The following PTPRG variants were observed in gnomAD, a reference collection of about 807,000 sequenced individuals.
PTPRG encodes the protein protein tyrosine phosphatase receptor type G.
PTPRG carries 102 observed loss-of-function variants against 165.3 expected under a neutral mutation model. That is an observed-to-expected ratio of 0.62 (90% CI 0.53 to 0.73). The LOEUF is 0.73. PTPRG is among the 30% of genes least tolerant of loss of function. The pLI is 0.00. For missense variants in PTPRG, 1,866 were observed against 1,861.4 expected, an observed-to-expected ratio of 1.00 and a Z score of -0.05; for synonymous variants, 675 against 669.5, an observed-to-expected ratio of 1.01 and a Z score of -0.13.
At chr3:61,675,984 A>G (rs1405451275) in intron 1 of PTPRG, among the ~76,000 whole-genome samples, 2 of 152,142 alleles carry the variant, frequency 1.3e-5, no homozygotes, top group Non-Finnish European at 2.9e-5. Context: ...AGTTTTTTCG[A>G]CCATTCTTGG....
At position 62,005,552 on chromosome 3, in the gene PTPRG, G is replaced by A. The variant is rs1194965392; in HGVS notation, c.519+2055G>A. ...GAAAGTTTAAAAACTTAATCAGATG[G>A]CTACCTTGGAAAAGAAGACCTCTAG... On this transcript the variant is annotated intron_variant, in intron 4 of 29. Transcript: ENST00000474889. Among the ~76,000 whole-genome samples the A allele has an allele frequency of 4.6e-5, 7 of 152,034 alleles. No homozygotes were observed. The South Asian group carries it at 1.2e-3, about 27-fold the overall frequency.
intron 4 of PTPRG, among the ~76,000 whole-genome samples, chr3:62,043,320 G>T (rs768484333): frequency 2.0e-5 from 3 of 151,978 alleles, no homozygotes; most frequent in Non-Finnish European, 4.4e-5. Context: ...TCTCTTTCCA[G>T]CTGCACACAT....
At chr3:62,077,674 G>C (rs929149221) in intron 4 of PTPRG, among the ~76,000 whole-genome samples, 2 of 152,060 alleles carry the variant, frequency 1.3e-5, no homozygotes, top group African/African-American at 4.8e-5. Context: ...CATATCTAGG[G>C]GTAAAATGAC....
At chr3:61,614,057 C>G (rs1701245360) in intron 1 of PTPRG, among the ~76,000 whole-genome samples, 1 of 152,154 alleles carries the variant, frequency 6.6e-6, no homozygotes, top group African/African-American at 2.4e-5. Flanking sequence ...GATCTTCCTC[C>G]TTTTAGAAAC....
rs777372586 is a variant in PTPRG at position 62,243,857 on chromosome 3, G to T, written c.2426G>T (p.Arg809Leu). 2 of 1,595,482 alleles carry T rather than the reference G, an allele frequency of 1.3e-6. No individual in the cohort carries two copies. The highest frequency in any genetic ancestry group is 1.7e-6 in the Non-Finnish European group (2 of 1,163,804). The change falls in exon 15 of 30, where the codon CGA becomes CTA. Residue 809 changes from arginine (R) to leucine (L), a missense_variant. This residue lies in a region of PTPRG where 1,452 missense variants were observed against 1,463.0 expected (regional missense o/e 0.99). Transcript: ENST00000474889. The stretch of plus-strand genomic sequence containing the variant: ...TATGTGGAAGACAGCAGTTCACCTC[G>T]AGTGGTCCCTAATGAAAGTATCCCT... ...HFYVEDSSSPRVVPNESIPII... is the reference protein window; with the variant it reads ...HFYVEDSSSPLVVPNESIPII...
chr3:62,287,578 C>G (rs1406210584), intron 28 of PTPRG, among the ~76,000 whole-genome samples: 2 of 152,070 alleles, frequency 1.3e-5, no homozygotes, highest in Non-Finnish European at 2.9e-5. Flanking sequence ...GTGGAAGTCA[C>G]ATACAGAAGT....
chr3:61,610,587 C>G (rs528840916), intron 1 of PTPRG, among the ~76,000 whole-genome samples: 3 of 152,288 alleles, frequency 2.0e-5, no homozygotes, highest in African/African-American at 7.2e-5. Flanking sequence ...ATAGTAAGAA[C>G]AGGAACTGAA....
chr3:62,138,767 G>A (rs925583891), intron 6 of PTPRG, among the ~76,000 whole-genome samples: 9 of 149,888 alleles, frequency 6.0e-5, no homozygotes, highest in African/African-American at 2.0e-4. Flanking sequence ...ATTATACGTC[G>A]CTTCTCGTCC....
At chr3:62,249,106 A>G (rs1233621214) in intron 15 of PTPRG, among the ~76,000 whole-genome samples, 2 of 152,186 alleles carry the variant, frequency 1.3e-5, no homozygotes, top group African/African-American at 4.8e-5. Flanking sequence ...GGCAGGAAAT[A>G]AAATGTTCCA....
intron 2 of PTPRG, among the ~76,000 whole-genome samples, chr3:61,797,595 C>A (rs1446824453): frequency 1.3e-5 from 2 of 149,624 alleles, no homozygotes; most frequent in East Asian, 3.9e-4. Flanking sequence ...CCCCCCACCC[C>A]CCCACCTCCC....
intron 8 of PTPRG, among the ~76,000 whole-genome samples, chr3:62,184,939 G>C (rs1481709599): frequency 6.7e-6 from 1 of 149,424 alleles, no homozygotes; most frequent in Non-Finnish European, 1.5e-5. Context: ...ACTGCAGATA[G>C]TTTAAGGCAC....
intron 2 of PTPRG, among the ~76,000 whole-genome samples, chr3:61,857,317 A>G (rs148939790): frequency 6.6e-6 from 1 of 152,352 alleles, no homozygotes; most frequent in African/African-American, 2.4e-5. Flanking sequence ...TTGTGAATTC[A>G]TATCCCATCA....
chr3:61,951,492 T>A (rs1164485307), intron 2 of PTPRG, among the ~76,000 whole-genome samples: 1 of 152,228 alleles, frequency 6.6e-6, no homozygotes, highest in Non-Finnish European at 1.5e-5. Flanking sequence ...AGAAGTATTC[T>A]TCTTTGTATG....
rs190173149 is a variant in PTPRG at position 62,249,411 on chromosome 3, G to C, written c.2467+5513G>C. ...GTTGTTGGAGCAGGGTGGAGGGAAGGGGGTGGGTAAGGTCTGAGCTGCACT... is the reference window on the plus strand; with the variant it reads ...GTTGTTGGAGCAGGGTGGAGGGAAGCGGGTGGGTAAGGTCTGAGCTGCACT... On this transcript the variant is annotated intron_variant, in intron 15 of 29. Transcript: ENST00000474889. Among the ~76,000 whole-genome samples, 110 of 152,172 alleles carry C rather than the reference G, an allele frequency of 7.2e-4. 2 individuals are homozygous for C. Among genetic ancestry groups the C allele is most frequent in the Admixed American group, 6.8e-3 (104 of 15,278 alleles).
intron 2 of PTPRG, among the ~76,000 whole-genome samples, chr3:61,830,191 A>T (rs753130644): frequency 4.6e-5 from 7 of 152,192 alleles, no homozygotes; most frequent in Non-Finnish European, 7.3e-5. Context: ...TAACCCTGGG[A>T]ATACTGCCAG....
intron 2 of PTPRG, among the ~76,000 whole-genome samples, chr3:61,919,763 C>A (rs773437288): frequency 2.0e-5 from 3 of 152,062 alleles, no homozygotes; most frequent in Non-Finnish European, 4.4e-5. Flanking sequence ...TTCTACCTAG[C>A]CATAGAGTTT....
At chr3:61,978,140 C>T (rs954117773) in intron 2 of PTPRG, among the ~76,000 whole-genome samples, 1 of 152,194 alleles carries the variant, frequency 6.6e-6, no homozygotes, top group African/African-American at 2.4e-5. Context: ...GTGTAAGCCA[C>T]CATGCCTGAC....
At chr3:62,114,815 G>GT (rs895208393) in intron 5 of PTPRG, among the ~76,000 whole-genome samples, 2 of 151,812 alleles carry the variant, frequency 1.3e-5, no homozygotes, top group African/African-American at 2.4e-5. Flanking sequence ...CTAATTTTTA[G>GT]TTTTTTGTAG....
chr3:62,195,744 AC>A lies in PTPRG; in HGVS notation c.1327+576del, dbSNP rs1699945285. Among the ~76,000 whole-genome samples the A allele has an allele frequency of 6.6e-6, 1 of 152,168 alleles. No homozygotes were observed. The highest frequency in any genetic ancestry group is 6.5e-5 in the Admixed American group (1 of 15,280). ...GCCTTTGCTCAAAATTTTAAGGGGC[AC>A]CAAAAAATTGAGTGACCAAGAGACA... On this transcript the variant is annotated intron_variant, in intron 10 of 29. Transcript: ENST00000474889. The surrounding 1 kb of genome is among the most constrained non-coding windows in gnomAD (Gnocchi z 4.4).
Sources: allele counts gnomAD v4.1 joint callset (sites outside exome capture counted in the v4.1 genomes callset), GRCh38; gene constraint gnomAD v4.1.1; regional missense constraint gnomAD v4.1.1; non-coding constraint Gnocchi (gnomAD v3.1); transcripts MANE v1.5; gene names NCBI Gene and HGNC (gene_info 2026-07-23, HGNC 2026-07-21).